Variants in KCNQ5 observed in about 807,000 individuals in gnomAD.
KCNQ5 encodes potassium voltage-gated channel subfamily KQT member 5.
KCNQ5 carries 30 observed loss-of-function variants against 98.2 expected under a neutral mutation model. The ratio of observed to expected loss-of-function variants is 0.31; its 90% CI spans 0.23 to 0.41. KCNQ5 has a LOEUF of 0.41. Ranked by LOEUF, KCNQ5 falls within the 10% of genes least tolerant of loss-of-function variation. The pLI is 1.00. For synonymous variants in KCNQ5, 458 were observed against 449.4 expected (o/e 1.02, Z -0.24); for missense variants, 835 against 1,182.5 (o/e 0.71, Z 4.31).
At chr6:72,668,837 G>C (rs12189974) in intron 1 of KCNQ5, among the ~76,000 whole-genome samples, 18,438 of 148,986 alleles carry the variant, frequency 0.12, 1,257 homozygotes, top group South Asian at 0.2. Context: ...CCAGCACCAA[G>C]ATCTGAAACT....
chr6:73,180,956 A>G (rs955126543), intron 11 of KCNQ5, among the ~76,000 whole-genome samples: 5 of 152,202 alleles, frequency 3.3e-5, no homozygotes, highest in Admixed American at 1.3e-4. Flanking sequence ...TTATCTCTGC[A>G]TATTCATATG....
In KCNQ5 at chr6:72,622,790, T is replaced by C. The variant is rs922347662; in HGVS notation, c.398+203T>C. Among the ~76,000 whole-genome samples the C allele has an allele frequency of 9.9e-5, 15 of 152,174 alleles. 1 individual carries two copies. The East Asian group carries it at 2.9e-3, about 30-fold the overall frequency. On this transcript the variant is annotated intron_variant, in intron 1 of 13. Coordinates refer to ENST00000370398, the MANE Select transcript of KCNQ5 (RefSeq NM_019842.4). The surrounding 1 kb of genome is among the most constrained non-coding windows in gnomAD (Gnocchi z 6.0). ...TTCTCTCATCTCTACAGCTTGAACC[T>C]TTTCCCCGAGGACACCCAATGAACT...
chr6:73,088,137 T>G (rs1382725795), intron 5 of KCNQ5, among the ~76,000 whole-genome samples: 1 of 150,392 alleles, frequency 6.6e-6, no homozygotes, highest in East Asian at 2.0e-4. Context: ...TTCCCCTGCC[T>G]CACCCTCCTG....
At position 72,810,661 on chromosome 6, in the gene KCNQ5, G is replaced by A. The variant is rs531129141; in HGVS notation, c.398+188074G>A. 2.3e-3 allele frequency among the ~76,000 whole-genome samples: 354 copies of A among 152,280 alleles called. 3 individuals are homozygous for A. The highest frequency in any genetic ancestry group is 8.2e-3 in the African/African-American group (341 of 41,556). ...TGTTAATACTAGAAATTATGACTGC[G>A]AGTAAGAGGAGGGGAAAAGTCATTC... On this transcript the variant is annotated intron_variant, in intron 1 of 13. Coordinates refer to ENST00000370398, the MANE Select transcript of KCNQ5 (RefSeq NM_019842.4).
intron 2 of KCNQ5, among the ~76,000 whole-genome samples, chr6:73,013,487 A>G (rs377553470): frequency 6.6e-6 from 1 of 152,142 alleles, no homozygotes; most frequent in African/African-American, 2.4e-5. Flanking sequence ...TTAATTTCCT[A>G]TATTTGGTGA....
intron 1 of KCNQ5, among the ~76,000 whole-genome samples, chr6:72,674,151 G>A (rs765337888): frequency 1.3e-5 from 2 of 151,986 alleles, no homozygotes; most frequent in Non-Finnish European, 2.9e-5. Context: ...GGAAACAGGA[G>A]AAGAAAATAT....
chr6:72,622,679 CGCGCGCGT>C lies in KCNQ5; in HGVS notation c.398+95_398+102del. ...CTCCGCGCTCGCGCCCTTGGGCCCCCGCGCGCGTGCACACGTGGTGGCTTTTATTTCTT... is the reference window on the plus strand; with the variant it reads ...CTCCGCGCTCGCGCCCTTGGGCCCCCGCACACGTGGTGGCTTTTATTTCTT... On this transcript the variant is annotated intron_variant, in intron 1 of 13. Transcript: ENST00000370398. The surrounding 1 kb of genome is among the most constrained non-coding windows in gnomAD (Gnocchi z 6.0). The C allele has an allele frequency of 7.0e-7, 1 of 1,426,722 alleles. No individual in the cohort carries two copies. The allele number at this position is 1,426,722 out of a possible 1,614,324, so 88.4% of individuals were successfully genotyped here.
At chr6:73,041,666 C>A (rs1223053639) in intron 2 of KCNQ5, among the ~76,000 whole-genome samples, 1 of 152,140 alleles carries the variant, frequency 6.6e-6, no homozygotes, top group Non-Finnish European at 1.5e-5. Flanking sequence ...ATTCAGCCTG[C>A]ACATTTAGTA....
intron 1 of KCNQ5, among the ~76,000 whole-genome samples, chr6:72,818,369 G>T (rs999268654): frequency 3.3e-5 from 5 of 151,994 alleles, no homozygotes; most frequent in Non-Finnish European, 7.4e-5. Flanking sequence ...TTAAGAAATT[G>T]TTAGAATTTT....
rs1768795043 is a variant in KCNQ5, at chr6:72,986,723, A to G, written c.399-17185A>G. On this transcript the variant is annotated intron_variant, in intron 1 of 13. Coordinates refer to ENST00000370398, the MANE Select transcript of KCNQ5 (RefSeq NM_019842.4). ...GAAAAAGAAGAAGTCACCTCCAGCCATGTCCCATGCCTCTGGGGTGAAAAC... is the reference window on the plus strand; with the variant it reads ...GAAAAAGAAGAAGTCACCTCCAGCCGTGTCCCATGCCTCTGGGGTGAAAAC... 1.1e-5 allele frequency: 16 copies of G among 1,416,174 alleles called. No individual in the cohort carries two copies. The South Asian group carries it at 1.4e-4, about 13-fold the overall frequency. 87.7% of individuals were successfully genotyped at this position (1,416,174 alleles called of 1,614,324 possible).
intron 1 of KCNQ5, among the ~76,000 whole-genome samples, chr6:72,728,570 G>A (rs1355342750): frequency 6.6e-6 from 1 of 152,140 alleles, no homozygotes; most frequent in Non-Finnish European, 1.5e-5. Context: ...GTCATTGATT[G>A]GTCCATAGCA....
At chr6:73,157,334 G>A (rs898421035) in intron 10 of KCNQ5, among the ~76,000 whole-genome samples, 1 of 152,132 alleles carries the variant, frequency 6.6e-6, no homozygotes, top group South Asian at 2.1e-4. Flanking sequence ...AAAGGGCTGA[G>A]GAAGAGGAGG....
intron 3 of KCNQ5, among the ~76,000 whole-genome samples, chr6:73,073,646 T>G (rs1356672369): frequency 6.6e-6 from 1 of 152,196 alleles, no homozygotes; most frequent in Non-Finnish European, 1.5e-5. Flanking sequence ...TGATTGAATA[T>G]TCATTTTTAA....
chr6:73,180,376 A>G (rs1267843043), intron 11 of KCNQ5, among the ~76,000 whole-genome samples: 2 of 152,244 alleles, frequency 1.3e-5, no homozygotes, highest in African/African-American at 4.8e-5. Context: ...ATCCTTTGAA[A>G]AATTAATGGA....
chr6:73,062,339 T>C (rs771001732), intron 3 of KCNQ5, among the ~76,000 whole-genome samples: 2 of 152,228 alleles, frequency 1.3e-5, no homozygotes, highest in Non-Finnish European at 2.9e-5. Context: ...ATGCAAACCA[T>C]GCTTTCAGCC....
chr6:72,657,673 A>C (rs917577127), intron 1 of KCNQ5, among the ~76,000 whole-genome samples: 6 of 152,172 alleles, frequency 3.9e-5, no homozygotes, highest in Admixed American at 3.9e-4. Flanking sequence ...TTTTCCTCAA[A>C]CTAAAGCCTT....
chr6:72,892,552 G>C (rs1045891106), intron 1 of KCNQ5, among the ~76,000 whole-genome samples: 1 of 152,152 alleles, frequency 6.6e-6, no homozygotes. Context: ...ACCCTAATGT[G>C]CTATGACAGG....
At chr6:73,151,179 G>A (rs927520271) in intron 10 of KCNQ5, among the ~76,000 whole-genome samples, 1 of 152,194 alleles carries the variant, frequency 6.6e-6, no homozygotes, top group Non-Finnish European at 1.5e-5. Context: ...AAAGTCAAAT[G>A]ATATAAGCCC....
intron 1 of KCNQ5, among the ~76,000 whole-genome samples, chr6:72,824,172 T>G (rs1181779918): frequency 6.6e-6 from 1 of 152,162 alleles, no homozygotes; most frequent in Admixed American, 6.5e-5. Flanking sequence ...ATTACTAATA[T>G]TTGAAGATTA....
Sources: gnomAD v4.1 joint callset for allele counts (sites outside exome capture counted in the v4.1 genomes callset) on GRCh38, gnomAD v4.1.1 for gene constraint, Gnocchi (gnomAD v3.1) non-coding constraint, MANE v1.5 for transcripts, NCBI Gene and HGNC (gene_info 2026-07-23, HGNC 2026-07-21) for gene names.